Variants in MYO1E observed in about 807,000 individuals in gnomAD.
MYO1E encodes myosin IE.
MYO1E carries 68 observed loss-of-function variants against 151.1 expected under a neutral mutation model. The observed-to-expected ratio is 0.45, with a 90% CI of 0.37 to 0.55. The LOEUF is 0.55. MYO1E is among the 20% of genes least tolerant of loss of function. The pLI, the probability that MYO1E is intolerant of heterozygous loss-of-function variation, is 0.00. For missense variants in MYO1E, 1,363 were observed against 1,389.3 expected, an observed-to-expected ratio of 0.98 and a Z score of 0.30; for synonymous variants, 601 against 501.7, an observed-to-expected ratio of 1.20 and a Z score of -2.64.
intron 19 of MYO1E, among the ~76,000 whole-genome samples, chr15:59,178,082 G>A (rs1300105729): frequency 6.6e-6 from 1 of 152,252 alleles, no homozygotes; most frequent in Non-Finnish European, 1.5e-5. Context: ...GGAACAAAGA[G>A]TCCCTGCCCT....
At chr15:59,280,752 G>C (rs1479721872) in intron 1 of MYO1E, among the ~76,000 whole-genome samples, 1 of 151,928 alleles carries the variant, frequency 6.6e-6, no homozygotes, top group Non-Finnish European at 1.5e-5. Flanking sequence ...TCTTAGGTGT[G>C]ATATATTCTG....
chr15:59,261,520 C>G lies in MYO1E; in HGVS notation c.148-11G>C. ...AGATCCTATATATGTCTGAATTTAA[C>G]TCAGTTAAGGTCCATCATTAATATT... is the stretch of plus-strand genomic sequence containing the variant. On this transcript the variant is annotated splice_polypyrimidine_tract_variant and intron_variant, in intron 2 of 27. Coordinates refer to ENST00000288235, the MANE Select transcript of MYO1E (RefSeq NM_004998.4). 6.5e-7 allele frequency: 1 copy of G among 1,529,560 alleles called. No individual in the cohort carries two copies. The highest frequency in any genetic ancestry group is 9.1e-7 in the Non-Finnish European group (1 of 1,103,764). 94.7% of individuals were successfully genotyped at this position (1,529,560 alleles called of 1,614,324 possible).
intron 26 of MYO1E, among the ~76,000 whole-genome samples, chr15:59,142,071 C>T (rs759433626): frequency 4.6e-5 from 7 of 151,726 alleles, no homozygotes; most frequent in Non-Finnish European, 8.8e-5. Flanking sequence ...CGTGCCACTG[C>T]ACTCCAGCCT....
At chr15:59,339,770 T>C (rs2080752105) in intron 1 of MYO1E, among the ~76,000 whole-genome samples, 1 of 152,226 alleles carries the variant, frequency 6.6e-6, no homozygotes, top group African/African-American at 2.4e-5. Context: ...TGAAGACTGC[T>C]TGAGCCCAGG....
intron 1 of MYO1E, among the ~76,000 whole-genome samples, chr15:59,311,087 A>G (rs796782663): frequency 1.8e-4 from 27 of 152,182 alleles, no homozygotes; most frequent in African/African-American, 5.8e-4. Context: ...CATGCACAGT[A>G]GACAACAGGC....
At chr15:59,255,397 T>TTTATTATTTTTTATTTTTATA (rs2080188416) in intron 4 of MYO1E, among the ~76,000 whole-genome samples, 1 of 152,056 alleles carries the variant, frequency 6.6e-6, no homozygotes. Flanking sequence ...AGAATTTTAT[T>TTTATTATTTTTTATTTTTATA]TTATTATTTT....
At position 59,174,750 on chromosome 15, in the gene MYO1E, T is replaced by C. The variant is rs369366763; in HGVS notation, c.2050-510A>G. Among the ~76,000 whole-genome samples the C allele has an allele frequency of 3.4e-4, 51 of 152,056 alleles. No individual in the cohort carries two copies. In the South Asian group the frequency reaches 7.7e-3, roughly 23 times the overall value. On this transcript the variant is annotated intron_variant, in intron 19 of 27. Transcript: ENST00000288235. Reference sequence around the variant, plus strand: ...TTTCAGTTCCAAGAAAATATAGACTTCCTGTCTCAGGATTCACCAATCTCA... The same window carrying C: ...TTTCAGTTCCAAGAAAATATAGACTCCCTGTCTCAGGATTCACCAATCTCA...
At chr15:59,221,818 A>G (rs2079958233) in intron 9 of MYO1E, among the ~76,000 whole-genome samples, 1 of 152,214 alleles carries the variant, frequency 6.6e-6, no homozygotes, top group Non-Finnish European at 1.5e-5. Flanking sequence ...GTTTTCAAGC[A>G]TAAAGAGGCA....
chr15:59,262,708 A>T (rs1406831374), intron 2 of MYO1E, among the ~76,000 whole-genome samples: 1 of 152,138 alleles, frequency 6.6e-6, no homozygotes, highest in Non-Finnish European at 1.5e-5. Context: ...TTATAAACCC[A>T]CCTACATCAG....
At chr15:59,143,314 A>G (rs1160184230) in intron 26 of MYO1E, among the ~76,000 whole-genome samples, 1 of 152,058 alleles carries the variant, frequency 6.6e-6, no homozygotes, top group Non-Finnish European at 1.5e-5. Flanking sequence ...ATGGGTGTGG[A>G]TAGTGGGGAC....
intron 25 of MYO1E, among the ~76,000 whole-genome samples, chr15:59,155,617 T>C (rs891825893): frequency 3.3e-5 from 5 of 152,196 alleles, no homozygotes; most frequent in African/African-American, 9.7e-5. Context: ...GCTTTCCAGG[T>C]GGACTTGGCC....
chr15:59,372,569 T>G lies in MYO1E; in HGVS notation c.-69A>C. 1 of 1,521,818 alleles carries G rather than the reference T, an allele frequency of 6.6e-7. No individual in the cohort carries two copies. Among genetic ancestry groups the G allele is most frequent in the Non-Finnish European group, 8.8e-7 (1 of 1,133,338 alleles). 94.3% of individuals were successfully genotyped at this position (1,521,818 alleles called of 1,614,324 possible). On this transcript the variant is annotated 5_prime_UTR_variant, in exon 1 of 28. Coordinates refer to ENST00000288235, the MANE Select transcript of MYO1E (RefSeq NM_004998.4). The stretch of plus-strand genomic sequence containing the variant: ...GGGGAACTGGGGCTGGAACGCAGTC[T>G]TCTGGGCGAACTTCAAAAGTTGGTT...
chr15:59,188,251 T>C, intron 17 of MYO1E, 35 bp from the exon 18 acceptor site: 2 of 1,535,096 alleles, frequency 1.3e-6, no homozygotes, highest in Non-Finnish European at 1.8e-6. Flanking sequence ...TGGACATTAC[T>C]GGATAATCCT....
chr15:59,248,138 A>AG, intron 4 of MYO1E, among the ~76,000 whole-genome samples: 1 of 149,410 alleles, frequency 6.7e-6, no homozygotes, highest in African/African-American at 2.5e-5. Flanking sequence ...AAAAAAAAAA[A>AG]AAAAAAAAAA....
chr15:59,312,817 G>A (rs1444418528), intron 1 of MYO1E, among the ~76,000 whole-genome samples: 1 of 151,966 alleles, frequency 6.6e-6, no homozygotes, highest in Non-Finnish European at 1.5e-5. Context: ...TCTGGAGATC[G>A]AGACCATCTG....
chr15:59,172,623 G>A (rs187002884), intron 21 of MYO1E, among the ~76,000 whole-genome samples: 1 of 152,218 alleles, frequency 6.6e-6, no homozygotes, highest in African/African-American at 2.4e-5. Context: ...TATCAGGACA[G>A]CAGGTGTAAA....
At chr15:59,247,026 T>C (rs1419377608) in intron 4 of MYO1E, among the ~76,000 whole-genome samples, 1 of 152,144 alleles carries the variant, frequency 6.6e-6, no homozygotes, top group Non-Finnish European at 1.5e-5. Context: ...GAAGACCCTG[T>C]CGCTACAAAA....
chr15:59,185,699 G>A (rs1278505638), intron 18 of MYO1E, among the ~76,000 whole-genome samples: 1 of 152,236 alleles, frequency 6.6e-6, no homozygotes, highest in Non-Finnish European at 1.5e-5. Context: ...AACCAAGGGA[G>A]ACCTTATCTC....
rs755470049 is a variant in MYO1E, at chr15:59,297,437, A to ATTTTTTT, written c.4-24995_4-24989dup. Among the ~76,000 whole-genome samples, 278 of 63,464 alleles carry ATTTTTTT rather than the reference A, an allele frequency of 4.4e-3. 6 individuals are homozygous for ATTTTTTT. Among genetic ancestry groups the ATTTTTTT allele is most frequent in the African/African-American group, 8.5e-3 (212 of 24,798 alleles). The allele number at this position is 63,464 out of a possible 152,430, so 41.6% of individuals were successfully genotyped here. On this transcript the variant is annotated intron_variant, in intron 1 of 27. Coordinates refer to ENST00000288235, the MANE Select transcript of MYO1E (RefSeq NM_004998.4). ...AGGTACGCACCACCACACCCAGCTA[A>ATTTTTTT]TTTTTTTTTTTTTTTTTTTTTTTTA...
Sources: allele counts gnomAD v4.1 joint callset (sites outside exome capture counted in the v4.1 genomes callset), GRCh38; gene constraint gnomAD v4.1.1; transcripts MANE v1.5; gene names NCBI Gene and HGNC (gene_info 2026-07-23, HGNC 2026-07-21).